Variants in PCDHGA4 observed in about 807,000 individuals in gnomAD.
PCDHGA4 encodes protocadherin gamma-A4.
In PCDHGA4, 38 loss-of-function variants were observed where a neutral mutation model predicts 54.6. That is an observed-to-expected ratio of 0.70 (90% CI 0.54 to 0.91). The LOEUF is 0.91. Among genes scored for constraint, PCDHGA4 ranks in the 40% least tolerant of loss-of-function variants. PCDHGA4 has a pLI of 0.00. For synonymous variants in PCDHGA4, 511 were observed against 512.9 expected, an observed-to-expected ratio of 1.00 and a Z score of 0.05; for missense variants, 1,298 against 1,220.9, an observed-to-expected ratio of 1.06 and a Z score of -0.94.
intron 1 of PCDHGA4, among the ~76,000 whole-genome samples, chr5:141,401,352 G>C (rs1381325058): frequency 6.6e-6 from 1 of 152,080 alleles, no homozygotes; most frequent in Non-Finnish European, 1.5e-5. Flanking sequence ...CAAAAAAAAG[G>C]AAGGAGAAGG....
At chr5:141,382,914 G>A in intron 1 of PCDHGA4, 1 of 1,552,980 alleles carries the variant, frequency 6.4e-7, no homozygotes, top group Non-Finnish European at 8.7e-7. Flanking sequence ...CGGCTCAGCC[G>A]AGGGGCGGGG....
intron 1 of PCDHGA4, chr5:141,415,608 T>C (rs1391331847): frequency 6.2e-7 from 1 of 1,613,366 alleles, no homozygotes; most frequent in Non-Finnish European, 8.5e-7. Flanking sequence ...CCCCATTGGT[T>C]CCAGTGAGTT....
chr5:141,421,469 G>T (rs767500900), intron 1 of PCDHGA4: 1 of 1,614,122 alleles, frequency 6.2e-7, no homozygotes, highest in South Asian at 1.1e-5. Flanking sequence ...GTGAATCCGC[G>T]AAGCGGCAGC....
Position 141,447,434 on chromosome 5 carries a change from G to A in PCDHGA4, c.2515-47373G>A, listed in dbSNP as rs114249648. ...ATTACAGGCGTGAGCCACCGCACCC[G>A]GAGGAAATTTTTAACCTCAGTTTTT... On this transcript the variant is annotated intron_variant, in intron 1 of 3. Transcript: ENST00000571252. 2.8e-3 allele frequency among the ~76,000 whole-genome samples: 425 copies of A among 152,164 alleles called. 1 individual carries two copies. The highest frequency in any genetic ancestry group is 9.5e-3 in the African/African-American group (394 of 41,546).
chr5:141,490,736 A>G lies in PCDHGA4; in HGVS notation c.2515-4071A>G, dbSNP rs747567176. The G allele has an allele frequency of 5.0e-6, 8 of 1,614,084 alleles. No individual in the cohort carries two copies. Among genetic ancestry groups the G allele is most frequent in the Non-Finnish European group, 6.8e-6 (8 of 1,180,034 alleles). On this transcript the variant is annotated intron_variant, in intron 1 of 3. Transcript: ENST00000571252. This position sits in a 1 kb window ranked among gnomAD's most constrained non-coding sequence, Gnocchi z 5.4. The stretch of plus-strand genomic sequence containing the variant: ...TACTCCATTGTAGGAAATCAGGTTC[A>G]GGGAGCCCCAGCCTCCTCCTTTGTG...
intron 1 of PCDHGA4, among the ~76,000 whole-genome samples, chr5:141,467,109 A>G (rs1431550069): frequency 2.0e-5 from 3 of 150,594 alleles, no homozygotes; most frequent in African/African-American, 4.9e-5. Context: ...CTGGAGTACA[A>G]TGGTGCAATC....
intron 1 of PCDHGA4, among the ~76,000 whole-genome samples, chr5:141,492,762 T>C (rs917580804): frequency 2.6e-5 from 4 of 152,206 alleles, no homozygotes; most frequent in African/African-American, 9.6e-5. Flanking sequence ...GGGCTCCGCG[T>C]TGGGCGAGTG....
At chr5:141,443,662 C>A (rs1427397469) in intron 1 of PCDHGA4, among the ~76,000 whole-genome samples, 2 of 152,178 alleles carry the variant, frequency 1.3e-5, no homozygotes, top group African/African-American at 4.8e-5. Context: ...TAGCATTTTA[C>A]TGAACTAGTA....
chr5:141,426,629 T>G (rs1384012221), intron 1 of PCDHGA4: 4 of 397,284 alleles, frequency 1.0e-5, no homozygotes, highest in South Asian at 7.2e-5. Context: ...CTCTAAATGT[T>G]TTTCACATAA....
Position 141,415,740 on chromosome 5 carries a change from GTTTTTTTTTTTTTTTT to G in PCDHGA4, c.2514+58136_2514+58151del, listed in dbSNP as rs57426385. 54 of 625,040 alleles carry G rather than the reference GTTTTTTTTTTTTTTTT, an allele frequency of 8.6e-5. 1 individual carries two copies. The East Asian group carries it at 1.4e-3, about 16-fold the overall frequency. The allele number at this position is 625,040 out of a possible 1,614,324, so 38.7% of individuals were successfully genotyped here. ...TGAGTAGAATTTGATGTTTATTAAG[GTTTTTTTTTTTTTTTT>G]TTTTTTTTTTTTTTTTACTTTCTGG... On this transcript the variant is annotated intron_variant, in intron 1 of 3. Transcript: ENST00000571252.
rs1229623400 is a variant in PCDHGA4, at chr5:141,505,984, T to A, written c.2662+503T>A. 4.6e-5 allele frequency among the ~76,000 whole-genome samples: 7 copies of A among 152,198 alleles called. No homozygotes were observed. In the East Asian group the frequency reaches 1.4e-3, roughly 30 times the overall value. On this transcript the variant is annotated intron_variant, in intron 3 of 3. Coordinates refer to ENST00000571252, the MANE Select transcript of PCDHGA4 (RefSeq NM_018917.4). ...AGAAATCCCCAGCCGAGAGAACACC[T>A]CCTCTTTATGCGAGGCTCCTCTTTT...
rs1230103133 is a variant in PCDHGA4, at chr5:141,357,488, C to T, written c.2381C>T (p.Ser794Leu). ...CACGAGGTCTCCCTCACCGCGGACT[C>T]GCGGAAGAGTCACCTGATCTTCTCC... Reference protein sequence around the residue: ...YSHEVSLTADSRKSHLIFSQP... With the variant: ...YSHEVSLTADLRKSHLIFSQP... Residue 794 changes from serine to leucine, a missense_variant, in exon 1 of 4, where the codon TCG becomes TTG. Coordinates refer to ENST00000571252, the MANE Select transcript of PCDHGA4 (RefSeq NM_018917.4). 6.8e-6 allele frequency: 11 copies of T among 1,614,100 alleles called. No individual in the cohort carries two copies. The East Asian group carries it at 2.2e-4, about 33-fold the overall frequency.
At chr5:141,362,250 C>A (rs997382173) in intron 1 of PCDHGA4, 5 of 1,614,018 alleles carry the variant, frequency 3.1e-6, no homozygotes, top group Non-Finnish European at 4.2e-6. Flanking sequence ...TCTTCTTCCT[C>A]GCGGTGATTC....
intron 1 of PCDHGA4, among the ~76,000 whole-genome samples, chr5:141,480,873 C>A (rs1026513782): frequency 6.6e-6 from 1 of 152,168 alleles, no homozygotes; most frequent in East Asian, 1.9e-4. Context: ...GGTGAAACCC[C>A]GTCTCTACTA....
chr5:141,489,220 C>G lies in PCDHGA4; in HGVS notation c.2515-5587C>G. The G allele has an allele frequency of 6.6e-7, 1 of 1,508,698 alleles. No individual in the cohort carries two copies. Among genetic ancestry groups the G allele is most frequent in the South Asian group, 1.3e-5 (1 of 75,604 alleles). The allele number at this position is 1,508,698 out of a possible 1,614,324, so 93.5% of individuals were successfully genotyped here. A position where few individuals can be genotyped will look rare whatever the true frequency, so the allele number is the denominator to read the frequency against. ...AGACAGGACAGCACAGACTTACTCT[C>G]CACAAAGGGACTTCTGGGTCATGGG... On this transcript the variant is annotated intron_variant, in intron 1 of 3. Transcript: ENST00000571252. The surrounding 1 kb of genome is among the most constrained non-coding windows in gnomAD (Gnocchi z 4.5).
rs367731612 is a variant in PCDHGA4, at chr5:141,419,406, C to T, written c.2514+61785C>T. The T allele has an allele frequency of 6.5e-5, 105 of 1,613,522 alleles. 1 individual carries two copies. The South Asian group carries it at 1.0e-3, about 16-fold the overall frequency. Reference sequence around the variant, plus strand: ...AGCGCGCAGAGCGGGGTGGTGTTCGCGCAGCGCGCCTTCGACCACGAGCAG... The same window carrying T: ...AGCGCGCAGAGCGGGGTGGTGTTCGTGCAGCGCGCCTTCGACCACGAGCAG... On this transcript the variant is annotated intron_variant, in intron 1 of 3. Transcript: ENST00000571252.
intron 1 of PCDHGA4, among the ~76,000 whole-genome samples, chr5:141,457,931 T>G (rs1335457669): frequency 6.6e-6 from 1 of 152,184 alleles, no homozygotes; most frequent in Non-Finnish European, 1.5e-5. Context: ...CCAAGGGGCT[T>G]TTATTGGCTC....
intron 1 of PCDHGA4, chr5:141,478,367 C>T (rs2099451272): frequency 1.2e-6 from 2 of 1,613,750 alleles, no homozygotes; most frequent in South Asian, 2.2e-5. Context: ...GCGGGGAGGC[C>T]TGATGTCGCC....
intron 1 of PCDHGA4, chr5:141,404,432 GATACC>G: frequency 6.2e-7 from 1 of 1,613,380 alleles, no homozygotes; most frequent in African/African-American, 1.3e-5. Context: ...CTTGGCAGAG[GATACC>G]ATCCAAGGGT....
Sources: gnomAD v4.1 joint callset for allele counts (sites outside exome capture counted in the v4.1 genomes callset) on GRCh38, gnomAD v4.1.1 for gene constraint, Gnocchi (gnomAD v3.1) non-coding constraint, MANE v1.5 for transcripts, NCBI Gene and HGNC (gene_info 2026-07-23, HGNC 2026-07-21) for gene names.